Variants in MARCHF1 observed in about 807,000 individuals in gnomAD.
MARCHF1 encodes the protein membrane associated ring-CH-type finger 1.
Under a neutral mutation model 54.2 loss-of-function variants are expected in MARCHF1, and 40 were observed. That is an observed-to-expected ratio of 0.74 (90% CI 0.57 to 0.96). The LOEUF (loss-of-function observed/expected upper bound fraction) is 0.96, where lower values mean the gene tolerates loss of function less well. Among genes scored for constraint, MARCHF1 ranks in the 40% least tolerant of loss-of-function variants. The pLI, the probability that MARCHF1 is intolerant of heterozygous loss-of-function variation, is 0.00. For missense variants in MARCHF1, 586 were observed against 656.5 expected, an observed-to-expected ratio of 0.89 and a Z score of 1.17; for synonymous variants, 236 against 236.3, an observed-to-expected ratio of 1.00 and a Z score of 0.01.
intron 5 of MARCHF1, among the ~76,000 whole-genome samples, chr4:163,661,632 T>G (rs1391844162): frequency 1.3e-5 from 2 of 152,100 alleles, no homozygotes; most frequent in African/African-American, 2.4e-5. Flanking sequence ...ATAATTGACA[T>G]GCAATAAACA....
chr4:164,202,500 C>T, intron 1 of MARCHF1, among the ~76,000 whole-genome samples: 1 of 152,068 alleles, frequency 6.6e-6, no homozygotes, highest in East Asian at 1.9e-4. Context: ...TTTTAAAAGA[C>T]TAGAATGTGT....
chr4:163,957,293 T>C (rs1180952808), intron 3 of MARCHF1, among the ~76,000 whole-genome samples: 1 of 152,066 alleles, frequency 6.6e-6, no homozygotes, highest in African/African-American at 2.4e-5. Context: ...GTAACTATAA[T>C]GAAAAATTAA....
At chr4:163,837,254 C>A (rs1237204546) in intron 4 of MARCHF1, among the ~76,000 whole-genome samples, 2 of 151,804 alleles carry the variant, frequency 1.3e-5, no homozygotes, top group Non-Finnish European at 2.9e-5. Context: ...TATGGTCACA[C>A]AAGTAGAAAG....
At chr4:164,307,848 C>A (rs1482705744) in intron 1 of MARCHF1, among the ~76,000 whole-genome samples, 4 of 152,144 alleles carry the variant, frequency 2.6e-5, no homozygotes, top group African/African-American at 9.7e-5. Flanking sequence ...CATAAGATGG[C>A]TGTAGTCCCC....
At chr4:164,157,218 T>C (rs2110928584) in intron 1 of MARCHF1, among the ~76,000 whole-genome samples, 1 of 151,900 alleles carries the variant, frequency 6.6e-6, no homozygotes, top group East Asian at 1.9e-4. Context: ...CTTATATTAA[T>C]ATATATAATT....
intron 1 of MARCHF1, among the ~76,000 whole-genome samples, chr4:164,160,048 A>AT (rs36040393): frequency 4.6e-5 from 7 of 151,768 alleles, no homozygotes; most frequent in South Asian, 2.1e-4. Flanking sequence ...GACAGACTCT[A>AT]TTTTTTTTAT....
At chr4:164,234,926 A>G (rs772820263) in intron 1 of MARCHF1, 1 of 152,118 alleles carries the variant, frequency 6.6e-6, no homozygotes, top group African/African-American at 2.4e-5. Flanking sequence ...CCTGATGAAA[A>G]GAAAACAAGT....
chr4:163,997,662 T>C (rs940750432), intron 2 of MARCHF1, among the ~76,000 whole-genome samples: 3 of 151,974 alleles, frequency 2.0e-5, no homozygotes, highest in Non-Finnish European at 2.9e-5. Context: ...GTTCCTTATA[T>C]AGAGAAACCT....
intron 1 of MARCHF1, among the ~76,000 whole-genome samples, chr4:164,291,927 CTATAA>C (rs1183201116): frequency 6.6e-6 from 1 of 152,000 alleles, no homozygotes; most frequent in Non-Finnish European, 1.5e-5. Flanking sequence ...TTTATAGTTA[CTATAA>C]TATAACTCAT....
intron 2 of MARCHF1, among the ~76,000 whole-genome samples, chr4:164,101,186 A>T (rs1579533956): frequency 6.6e-6 from 1 of 151,986 alleles, no homozygotes; most frequent in Admixed American, 6.6e-5. Flanking sequence ...AGGCCGGGGG[A>T]GGGGCACCCG....
At chr4:163,962,102 T>C (rs1195224002) in intron 3 of MARCHF1, among the ~76,000 whole-genome samples, 1 of 151,982 alleles carries the variant, frequency 6.6e-6, no homozygotes, top group Non-Finnish European at 1.5e-5. Context: ...ATTGCTGTTA[T>C]TTCTGTTAAG....
chr4:163,750,185 C>T (rs1746479478), intron 4 of MARCHF1, among the ~76,000 whole-genome samples: 1 of 152,070 alleles, frequency 6.6e-6, no homozygotes, highest in East Asian at 1.9e-4. Flanking sequence ...GGCCAAAACA[C>T]TTTGTAACCA....
intron 1 of MARCHF1, among the ~76,000 whole-genome samples, chr4:164,359,992 T>C (rs1730677498): frequency 6.6e-6 from 1 of 152,104 alleles, no homozygotes; most frequent in African/African-American, 2.4e-5. Context: ...TGTCATATTC[T>C]AGTAGGCCGT....
chr4:163,823,898 T>C (rs1022157523), intron 4 of MARCHF1, among the ~76,000 whole-genome samples: 6 of 151,788 alleles, frequency 4.0e-5, no homozygotes, highest in South Asian at 2.1e-4. Flanking sequence ...GTTTCAATAA[T>C]AGAAATTGAG....
chr4:164,200,550 C>T (rs1318637930), intron 1 of MARCHF1, among the ~76,000 whole-genome samples: 7 of 152,162 alleles, frequency 4.6e-5, no homozygotes. Context: ...TTCTGTCTAA[C>T]ACACAGATCA....
At chr4:164,301,993 G>A (rs1355946447) in intron 1 of MARCHF1, among the ~76,000 whole-genome samples, 1 of 152,198 alleles carries the variant, frequency 6.6e-6, no homozygotes, top group African/African-American at 2.4e-5. Flanking sequence ...CTGAGGACAG[G>A]TTAGTCCAGG....
intron 1 of MARCHF1, among the ~76,000 whole-genome samples, chr4:164,217,027 G>A (rs919449780): frequency 1.5e-5 from 2 of 130,122 alleles, no homozygotes. Flanking sequence ...TGTAGAATTA[G>A]AACTATTAGG....
chr4:163,883,157 A>T (rs1340559367), intron 3 of MARCHF1, among the ~76,000 whole-genome samples: 1 of 152,050 alleles, frequency 6.6e-6, no homozygotes, highest in Non-Finnish European at 1.5e-5. Context: ...CTGCCTGTAC[A>T]GTTTCTCACC....
chr4:164,374,651 A>G (rs1303625857), intron 1 of MARCHF1, among the ~76,000 whole-genome samples: 1 of 152,114 alleles, frequency 6.6e-6, no homozygotes, highest in Non-Finnish European at 1.5e-5. Flanking sequence ...TTTTCCTTCT[A>G]TATTATACTT....
Sources: allele counts gnomAD v4.1 joint callset (sites outside exome capture counted in the v4.1 genomes callset), GRCh38; gene constraint gnomAD v4.1.1; transcripts MANE v1.5; gene names NCBI Gene and HGNC (gene_info 2026-07-23, HGNC 2026-07-21).